The following TUNAR variants were observed in gnomAD, a reference collection of about 807,000 sequenced individuals.
The protein encoded by TUNAR is protein TUNAR.
At chr14:95,881,258 A>C (rs1458939510) in intron 2 of TUNAR, among the ~76,000 whole-genome samples, 1 of 152,228 alleles carries the variant, frequency 6.6e-6, no homozygotes, top group East Asian at 1.9e-4. Flanking sequence ...AAACATGTCG[A>C]TTTCCAAAAA....
At chr14:95,899,308 A>C (rs111546586) in intron 2 of TUNAR, among the ~76,000 whole-genome samples, 124 of 151,726 alleles carry the variant, frequency 8.2e-4, no homozygotes, top group African/African-American at 2.9e-3. Flanking sequence ...CCCAGAATCC[A>C]CTCCCAGGTA....
At chr14:95,912,908 A>T (rs1889538521) in intron 2 of TUNAR, among the ~76,000 whole-genome samples, 2 of 151,972 alleles carry the variant, frequency 1.3e-5, no homozygotes, top group Admixed American at 1.3e-4. Flanking sequence ...CTCCTGCCTC[A>T]GCCTCCCGAG....
At chr14:95,899,044 C>G (rs548767511) in intron 2 of TUNAR, among the ~76,000 whole-genome samples, 3 of 152,298 alleles carry the variant, frequency 2.0e-5, no homozygotes, top group African/African-American at 4.8e-5. Flanking sequence ...TCCCTTCCCC[C>G]CAAAACTTGA....
intron 2 of TUNAR, among the ~76,000 whole-genome samples, chr14:95,889,974 A>C (rs1490429260): frequency 6.6e-6 from 1 of 151,980 alleles, no homozygotes; most frequent in Non-Finnish European, 1.5e-5. Context: ...AAAAAAAAAA[A>C]AAACTGACAA....
intron 2 of TUNAR, among the ~76,000 whole-genome samples, chr14:95,910,340 C>G (rs185950272): frequency 1.3e-4 from 20 of 152,124 alleles, no homozygotes; most frequent in Non-Finnish European, 2.2e-4. Context: ...AGTGAGACCT[C>G]GTCTGTAAAA....
intron 2 of TUNAR, among the ~76,000 whole-genome samples, chr14:95,885,957 C>T (rs1889069561): frequency 6.6e-6 from 1 of 151,988 alleles, no homozygotes; most frequent in African/African-American, 2.4e-5. Context: ...GCCCTGCTGC[C>T]CAGACCCCAA....
chr14:95,894,297 A>G (rs1296879168), intron 2 of TUNAR, among the ~76,000 whole-genome samples: 2 of 152,242 alleles, frequency 1.3e-5, no homozygotes, highest in Non-Finnish European at 2.9e-5. Flanking sequence ...TTTGATGTTA[A>G]CGAGCTCTCA....
chr14:95,894,265 T>C (rs1040070598), intron 2 of TUNAR, among the ~76,000 whole-genome samples: 1 of 151,254 alleles, frequency 6.6e-6, no homozygotes, highest in Non-Finnish European at 1.5e-5. Flanking sequence ...GAAATTCCCC[T>C]CTTTTGGGAT....
chr14:95,876,807 C>G (rs1446843306), intron 1 of TUNAR, 25 bp from the exon 1 acceptor site: 1 of 152,166 alleles, frequency 6.6e-6, no homozygotes, highest in African/African-American at 2.4e-5. Context: ...GGGTGCAGCT[C>G]TGCGCGTTCT....
intron 2 of TUNAR, among the ~76,000 whole-genome samples, chr14:95,903,332 T>C (rs1203646547): frequency 6.6e-6 from 1 of 152,216 alleles, no homozygotes; most frequent in Non-Finnish European, 1.5e-5. Flanking sequence ...TCAGCAATGC[T>C]AGGGGCTCTG....
At chr14:95,902,848 A>G (rs140283080) in intron 2 of TUNAR, among the ~76,000 whole-genome samples, 1 of 152,174 alleles carries the variant, frequency 6.6e-6, no homozygotes, top group Non-Finnish European at 1.5e-5. Context: ...TTCTGAGCCT[A>G]TCAGGGACTC....
chr14:95,904,281 G>C (rs1312219367), intron 2 of TUNAR, among the ~76,000 whole-genome samples: 3 of 152,184 alleles, frequency 2.0e-5, no homozygotes, highest in African/African-American at 7.2e-5. Flanking sequence ...GCCTCACTGG[G>C]GATCTGGGAG....
At chr14:95,880,063 C>G (rs1266979201) in intron 2 of TUNAR, among the ~76,000 whole-genome samples, 2 of 152,174 alleles carry the variant, frequency 1.3e-5, no homozygotes. Context: ...CTCAGTTGTT[C>G]ATTGGCTTTG....
chr14:95,901,188 C>T (rs993245045), intron 2 of TUNAR, among the ~76,000 whole-genome samples: 2 of 152,158 alleles, frequency 1.3e-5, no homozygotes, highest in African/African-American at 4.8e-5. Context: ...GCTTTCTGAC[C>T]GGCAGAGCTG....
chr14:95,918,985 A>G (rs73338784), intron 2 of TUNAR, among the ~76,000 whole-genome samples: 4,648 of 152,248 alleles, frequency 0.031, 230 homozygotes, highest in African/African-American at 0.1. Flanking sequence ...GGGATTCAAA[A>G]GTCCTTCCTC....
rs1428773849 is a variant in TUNAR at position 95,895,950 on chromosome 14, TC to T, written c.12+18775del. 1 of 152,158 alleles carries T rather than the reference TC, an allele frequency of 6.6e-6. No homozygotes were observed. The highest frequency in any genetic ancestry group is 1.5e-5 in the Non-Finnish European group (1 of 68,044). 9.4% of individuals were successfully genotyped at this position (152,158 alleles called of 1,614,324 possible). A position where few individuals can be genotyped will look rare whatever the true frequency, so the allele number is the denominator to read the frequency against. On this transcript the variant is annotated intron_variant, in intron 2 of 2. Coordinates refer to ENST00000678517, the Ensembl canonical transcript of TUNAR. The surrounding 1 kb of genome is among the most constrained non-coding windows in gnomAD (Gnocchi z 4.5). ...CCAGGTGGCCTTTTTCTTGGTAAGT[TC>T]CTTACAAAGCAACATGCTTTGTGCA...
exon 1 of TUNAR, chr14:95,876,566 G>A (rs977126550): frequency 2.0e-5 from 3 of 152,704 alleles, no homozygotes; most frequent in African/African-American, 7.2e-5. Flanking sequence ...TTGCGGCCGG[G>A]TGGGCGCCCC....
intron 2 of TUNAR, among the ~76,000 whole-genome samples, chr14:95,912,867 T>C (rs1889537585): frequency 6.6e-6 from 1 of 152,158 alleles, no homozygotes; most frequent in South Asian, 2.1e-4. Context: ...CTCAGCTCAC[T>C]GCAGGCTCCA....
intron 2 of TUNAR, among the ~76,000 whole-genome samples, chr14:95,920,717 CAG>C (rs1302421633): frequency 1.3e-5 from 2 of 152,142 alleles, no homozygotes; most frequent in African/African-American, 4.8e-5. Flanking sequence ...CTCATGTGCA[CAG>C]GGGGAGGGCA....
Sources: gnomAD v4.1 joint callset for allele counts (sites outside exome capture counted in the v4.1 genomes callset) on GRCh38, gnomAD v4.1.1 for gene constraint, Gnocchi (gnomAD v3.1) non-coding constraint, MANE v1.5 for transcripts, NCBI Gene and HGNC (gene_info 2026-07-23, HGNC 2026-07-21) for gene names.